The following TICRR variants were observed in gnomAD, a reference collection of about 807,000 sequenced individuals.
The protein encoded by TICRR is TOPBP1 interacting checkpoint and replication regulator, also known as treslin.
In TICRR, 132 loss-of-function variants were observed where a neutral mutation model predicts 178.1. The ratio of observed to expected loss-of-function variants is 0.74; its 90% confidence interval spans 0.64 to 0.86. The LOEUF is 0.86. TICRR is among the 40% of genes least tolerant of loss of function. The pLI is 0.00. For missense variants in TICRR, 2,587 were observed against 2,334.3 expected (o/e 1.11, Z -2.23); for synonymous variants, 991 against 900.7 (o/e 1.10, Z -1.79).
Position 89,601,818 on chromosome 15 carries a change from C to G in TICRR, c.2409C>G (p.Val803=). 6.2e-7 allele frequency: 1 copy of G among 1,614,156 alleles called. No homozygotes were observed. The highest frequency in any genetic ancestry group is 8.5e-7 in the Non-Finnish European group (1 of 1,180,018). Residue 803 remains valine, a synonymous_variant, in exon 12 of 22, where the codon GTC becomes GTG. Coordinates refer to ENST00000268138, the MANE Select transcript of TICRR (RefSeq NM_152259.4). ...GFVIPQKLAG[V]LPTDFFSDDS... ...TGATTCCTCAGAAGCTGGCTGGTGT[C>G]CTTCCTACAGATTTTTTCAGTGATG... is the stretch of plus-strand genomic sequence containing the variant.
chr15:89,607,907 A>G (rs1477082729), intron 14 of TICRR, among the ~76,000 whole-genome samples: 1 of 152,146 alleles, frequency 6.6e-6, no homozygotes. Context: ...GAGAACTTTC[A>G]TGCTTTGGAG....
Position 89,624,283 on chromosome 15 carries a change from TTTA to T in TICRR, c.3974_3976del (p.Phe1325_Arg1326delinsTrp). On this transcript the variant is annotated inframe_deletion, in exon 20 of 22. Transcript: ENST00000268138. Reference sequence around the variant, plus strand: ...ATGTGATGTCTCCAAGAAGAGTCCATTTAGGAAATCTAAAATAGAGTGTCCTTC... The same window carrying T: ...ATGTGATGTCTCCAAGAAGAGTCCATGGAAATCTAAAATAGAGTGTCCTTC... 2 of 1,614,200 alleles carry T rather than the reference TTTA, an allele frequency of 1.2e-6. No homozygotes were observed. Among genetic ancestry groups the T allele is most frequent in the Non-Finnish European group, 1.7e-6 (2 of 1,180,042 alleles).
In TICRR at chr15:89,586,808, T is replaced by A. The variant is rs114678377; in HGVS notation, c.1411+866T>A. ...TGCAGTGAAAGGAGCAAGGAGAGAG[T>A]AGGAGGGGGTGAGGTCAGAGAGCCA... On this transcript the variant is annotated intron_variant, in intron 4 of 21. Transcript: ENST00000268138. Among the ~76,000 whole-genome samples, 528 of 149,438 alleles carry A rather than the reference T, an allele frequency of 3.5e-3. 2 individuals are homozygous for A. Among genetic ancestry groups the A allele is most frequent in the African/African-American group, 0.012 (498 of 40,524 alleles).
At chr15:89,619,602 C>T (rs371491771) in intron 17 of TICRR, 106 bp from the exon 18 acceptor site, 1 of 1,212,240 alleles carries the variant, frequency 8.2e-7, no homozygotes, top group Non-Finnish European at 1.2e-6. Context: ...GCTGAATTTC[C>T]ATCTTATATG....
rs377407109 is a variant in TICRR, at chr15:89,577,183, C to T, written c.654+943C>T. 2.6e-5 allele frequency among the ~76,000 whole-genome samples: 4 copies of T among 152,052 alleles called. 1 individual carries two copies. Among genetic ancestry groups the T allele is most frequent in the South Asian group, 2.1e-4 (1 of 4,824 alleles). The stretch of plus-strand genomic sequence containing the variant: ...CCAGGATTATAGGTGTGAGCCACCA[C>T]GCCCAGCCACCCAGATGTGTATTAA... On this transcript the variant is annotated intron_variant, in intron 1 of 21. Transcript: ENST00000268138.
At chr15:89,577,660 G>C (rs1050706010) in intron 1 of TICRR, among the ~76,000 whole-genome samples, 33 of 135,398 alleles carry the variant, frequency 2.4e-4, no homozygotes, top group African/African-American at 8.5e-4. Context: ...CCAGGCTGGA[G>C]TGCAGTGGCG....
At chr15:89,601,206 G>C in intron 9 of TICRR, 92 bp from the exon 10 acceptor site, 6 of 1,084,604 alleles carry the variant, frequency 5.5e-6, no homozygotes, top group Non-Finnish European at 8.0e-6. Context: ...TTTGGTTGTT[G>C]TGTCTTATAT....
Position 89,594,539 on chromosome 15 carries a change from G to A in TICRR, c.1666G>A (p.Asp556Asn), listed in dbSNP as rs1365033935. ...REESTIAHQE[D>N]SKKKRGVPRT... Reference sequence around the variant, plus strand: ...AGAATCCACTATAGCTCATCAAGAAGACAGCAAAAAGAAACGTATGTACCT... The same window carrying A: ...AGAATCCACTATAGCTCATCAAGAAAACAGCAAAAAGAAACGTATGTACCT... Residue 556 changes from aspartate to asparagine, a missense_variant, in exon 6 of 22, where the codon GAC becomes AAC. Asp to Asn is a conservative substitution (Grantham distance 23). Coordinates refer to ENST00000268138, the MANE Select transcript of TICRR (RefSeq NM_152259.4). 2.6e-5 allele frequency: 41 copies of A among 1,599,336 alleles called. No homozygotes were observed. The highest frequency in any genetic ancestry group is 3.5e-5 in the Non-Finnish European group (41 of 1,172,852).
rs143671000 is a variant in TICRR at position 89,625,425 on chromosome 15, C to T, written c.5115C>T (p.Val1705=). The T allele has an allele frequency of 1.5e-4, 237 of 1,613,804 alleles. 1 individual carries two copies. The highest frequency in any genetic ancestry group is 1.1e-4 in the East Asian group (5 of 44,854). Residue 1705 remains valine, a synonymous_variant, in exon 20 of 22, where the codon GTC becomes GTT. Transcript: ENST00000268138. ...GAGSSSGRGE[V]GADLPGSLSL... Reference sequence around the variant, plus strand: ...GCTCCTCTTCCGGGAGGGGCGAGGTCGGTGCAGACCTTCCTGGGAGCCTGT... The same window carrying T: ...GCTCCTCTTCCGGGAGGGGCGAGGTTGGTGCAGACCTTCCTGGGAGCCTGT...
chr15:89,580,878 A>G (rs932189055), intron 1 of TICRR, among the ~76,000 whole-genome samples: 2 of 152,154 alleles, frequency 1.3e-5, no homozygotes, highest in African/African-American at 2.4e-5. Context: ...CAAAAAATAC[A>G]AAAGTTAGCC....
intron 7 of TICRR, 66 bp from the exon 8 acceptor site, chr15:89,599,258 T>A: frequency 1.8e-6 from 2 of 1,119,076 alleles, no homozygotes. Context: ...GGACAACAAC[T>A]GGCCTAAGTA....
At chr15:89,582,611 C>A (rs544220054) in intron 1 of TICRR, 75 bp from the exon 2 acceptor site, 8 of 1,374,492 alleles carry the variant, frequency 5.8e-6, no homozygotes, top group Non-Finnish European at 8.0e-6. Context: ...ACTTTACTTT[C>A]TCCTGATTTC....
intron 12 of TICRR, among the ~76,000 whole-genome samples, chr15:89,602,336 T>C (rs1187268583): frequency 1.3e-5 from 2 of 152,232 alleles, no homozygotes; most frequent in Non-Finnish European, 2.9e-5. Flanking sequence ...CCAGCATTGT[T>C]ACTGAATAGC....
chr15:89,602,512 C>T (rs1170191113), intron 12 of TICRR, among the ~76,000 whole-genome samples: 1 of 152,058 alleles, frequency 6.6e-6, no homozygotes, highest in African/African-American at 2.4e-5. Flanking sequence ...ACAAAGTCTT[C>T]TTTACTGTCC....
intron 16 of TICRR, 80 bp downstream of exon 16, chr15:89,616,575 C>T: frequency 1.8e-6 from 2 of 1,102,040 alleles, no homozygotes; most frequent in Non-Finnish European, 2.7e-6. Context: ...CTTCGCTTCT[C>T]TTGACCTTCA....
intron 1 of TICRR, among the ~76,000 whole-genome samples, chr15:89,576,794 C>T (rs1259694308): frequency 7.0e-6 from 1 of 143,398 alleles, no homozygotes; most frequent in African/African-American, 2.6e-5. Flanking sequence ...TAACACAATA[C>T]CCAGGGGTGT....
intron 13 of TICRR, among the ~76,000 whole-genome samples, chr15:89,603,691 G>A (rs1333886185): frequency 6.6e-6 from 1 of 152,214 alleles, no homozygotes; most frequent in Non-Finnish European, 1.5e-5. Flanking sequence ...ATCTGCAGAA[G>A]ATATGTTCCA....
Position 89,575,892 on chromosome 15 carries a change from C to T in TICRR, c.306C>T (p.Gly102=). Residue 102 remains glycine (G), a synonymous_variant, in exon 1 of 22, where the codon GGC becomes GGT. Transcript: ENST00000268138. ...GPAPRATHTH[G]ALMETLLDYQ... Reference sequence around the variant, plus strand: ...CGCCCAGGGCCACCCACACGCACGGCGCCCTGATGGAGACGCTGCTAGACT... The same window carrying T: ...CGCCCAGGGCCACCCACACGCACGGTGCCCTGATGGAGACGCTGCTAGACT... 6.3e-7 allele frequency: 1 copy of T among 1,587,786 alleles called. No homozygotes were observed. Among genetic ancestry groups the T allele is most frequent in the South Asian group, 1.1e-5 (1 of 88,424 alleles).
intron 15 of TICRR, among the ~76,000 whole-genome samples, chr15:89,614,183 G>A (rs1242885889): frequency 1.3e-5 from 2 of 151,926 alleles, no homozygotes; most frequent in African/African-American, 4.8e-5. Flanking sequence ...AATAAATAAA[G>A]TCTTGTTCTA....
Sources: allele counts gnomAD v4.1 joint callset (sites outside exome capture counted in the v4.1 genomes callset), GRCh38; gene constraint gnomAD v4.1.1; transcripts MANE v1.5; gene names NCBI Gene and HGNC (gene_info 2026-07-23, HGNC 2026-07-21).